The following NINJ2 variants were observed in gnomAD, a reference collection of about 807,000 sequenced individuals.
The protein encoded by NINJ2 is ninjurin 2, also known as ninjurin-2.
Under a neutral mutation model 11.7 loss-of-function variants are expected in NINJ2, and 12 were observed. That is an observed-to-expected ratio of 1.02 (90% CI 0.66 to 1.66). The LOEUF is 1.66. NINJ2 is among the 40% of genes most tolerant of loss of function. The pLI is 0.00. For missense variants in NINJ2, 187 were observed against 181.8 expected, an observed-to-expected ratio of 1.03 and a Z score of -0.16; for synonymous variants, 93 against 76.8, an observed-to-expected ratio of 1.21 and a Z score of -1.10.
intron 1 of NINJ2, among the ~76,000 whole-genome samples, chr12:577,404 C>G (rs1212776524): frequency 3.0e-5 from 2 of 67,280 alleles, no homozygotes; most frequent in African/African-American, 9.7e-5. Context: ...AGTTGAGAAG[C>G]AACACTAGTC....
intron 1 of NINJ2, among the ~76,000 whole-genome samples, chr12:570,474 G>A (rs1947361271): frequency 1.3e-5 from 2 of 152,222 alleles, no homozygotes; most frequent in African/African-American, 4.8e-5. Context: ...CAACTCCACA[G>A]GGGTCAGGGT....
intron 1 of NINJ2, among the ~76,000 whole-genome samples, chr12:575,896 C>G (rs558192249): frequency 2.0e-5 from 3 of 152,256 alleles, no homozygotes; most frequent in African/African-American, 7.2e-5. Context: ...CTTTTCTCAG[C>G]AGTCCTGAGG....
chr12:567,295 C>G (rs1185983202), intron 1 of NINJ2, among the ~76,000 whole-genome samples: 1 of 142,574 alleles, frequency 7.0e-6, no homozygotes, highest in Non-Finnish European at 1.5e-5. Context: ...AGCAGATCAC[C>G]ACGACAGGAC....
Position 663,399 on chromosome 12 carries a change from G to A in NINJ2, c.-39C>T, listed in dbSNP as rs748516563. The stretch of plus-strand genomic sequence containing the variant: ...AGTCCCTTCACACGCACCGGGTGCC[G>A]GGAACAGACTGCGTGGGCTCCTCCA... On this transcript the variant is annotated 5_prime_UTR_variant, in exon 1 of 4. Transcript: ENST00000305108. The A allele has an allele frequency of 6.8e-6, 11 of 1,613,986 alleles. No homozygotes were observed. Among genetic ancestry groups the A allele is most frequent in the East Asian group, 2.2e-5 (1 of 44,894 alleles).
intron 1 of NINJ2, among the ~76,000 whole-genome samples, chr12:618,246 T>G (rs1345042486): frequency 3.8e-4 from 30 of 79,568 alleles, no homozygotes; most frequent in South Asian, 4.8e-4. Flanking sequence ...AATGAGGAGG[T>G]GGGGGTGAGG....
At chr12:609,294 A>G (rs61916662) in intron 1 of NINJ2, among the ~76,000 whole-genome samples, 4,569 of 56,334 alleles carry the variant, frequency 0.081, 373 homozygotes, top group Non-Finnish European at 0.1. Context: ...TGCTGAACGC[A>G]CACGCACGGC....
chr12:601,548 C>CA lies in NINJ2; in HGVS notation c.34-35371dup, dbSNP rs1170244744. Among the ~76,000 whole-genome samples, 840 of 140,186 alleles carry CA rather than the reference C, an allele frequency of 6.0e-3. 9 individuals are homozygous for CA. The highest frequency in any genetic ancestry group is 0.021 in the African/African-American group (799 of 37,738). The allele number at this position is 140,186 out of a possible 152,430, so 92.0% of individuals were successfully genotyped here. On this transcript the variant is annotated intron_variant, in intron 1 of 3. Transcript: ENST00000305108. The stretch of plus-strand genomic sequence containing the variant: ...GGGCCACAGAAGCAAGACTCCGTCT[C>CA]AAAAAAAAAAAAAAATAAATAAATA...
chr12:614,124 A>G lies in NINJ2; in HGVS notation c.34-47946T>C, dbSNP rs7306791. 0.78 allele frequency among the ~76,000 whole-genome samples: 118,842 copies of G among 151,800 alleles called. 46,830 individuals are homozygous for G. The highest frequency in any genetic ancestry group is 0.99 in the East Asian group (5,076 of 5,144). On this transcript the variant is annotated intron_variant, in intron 1 of 3. Transcript: ENST00000305108. This position sits in a 1 kb window ranked among gnomAD's most constrained non-coding sequence, Gnocchi z 5.1. ...TCCATAGCACGTGGCTAGTAAGAAC[A>G]GTCTCTTACACGATGTCCTACTGCC... is the stretch of plus-strand genomic sequence containing the variant.
chr12:657,716 A>G (rs1937892192), intron 1 of NINJ2, among the ~76,000 whole-genome samples: 1 of 152,236 alleles, frequency 6.6e-6, no homozygotes, highest in African/African-American at 2.4e-5. Context: ...TTATGTCACT[A>G]GGGAAATGCA....
chr12:638,421 G>GTT (rs1948377834), intron 1 of NINJ2, among the ~76,000 whole-genome samples: 1 of 151,892 alleles, frequency 6.6e-6, no homozygotes, highest in South Asian at 2.1e-4. Flanking sequence ...TTAGTTTTTT[G>GTT]TTTGTTTGTT....
chr12:636,102 C>G lies in NINJ2; in HGVS notation c.33+27226G>C, dbSNP rs553204544. ...AAAATAAATAAATAAATAGGCCAGG[C>G]GTGGTGGCTTACGCCTGTAATCCTA... On this transcript the variant is annotated intron_variant, in intron 1 of 3. Coordinates refer to ENST00000305108, the MANE Select transcript of NINJ2 (RefSeq NM_016533.6). Among the ~76,000 whole-genome samples, 32 of 151,854 alleles carry G rather than the reference C, an allele frequency of 2.1e-4. No homozygotes were observed. In the South Asian group the frequency reaches 4.2e-3, roughly 20 times the overall value.
intron 1 of NINJ2, among the ~76,000 whole-genome samples, chr12:610,981 T>C (rs1363363981): frequency 6.6e-6 from 1 of 152,178 alleles, no homozygotes; most frequent in East Asian, 1.9e-4. Context: ...GTGATCCACT[T>C]GCCTCAACCT....
intron 1 of NINJ2, among the ~76,000 whole-genome samples, chr12:578,819 C>T (rs1047518194): frequency 2.0e-5 from 3 of 152,186 alleles, no homozygotes; most frequent in Non-Finnish European, 4.4e-5. Context: ...TTTGAACCAG[C>T]AGCCAGAGGC....
chr12:577,435 A>ATATG (rs1565621287), intron 1 of NINJ2, among the ~76,000 whole-genome samples: 9 of 140,364 alleles, frequency 6.4e-5, no homozygotes, highest in Non-Finnish European at 1.2e-4. Flanking sequence ...ATATACATAT[A>ATATG]TATATATAAA....
intron 1 of NINJ2, among the ~76,000 whole-genome samples, chr12:589,029 T>G (rs527810198): frequency 1.6e-4 from 25 of 152,302 alleles, no homozygotes; most frequent in African/African-American, 6.0e-4. Context: ...AGTCCACTTC[T>G]AGGAGTCTCC....
At chr12:634,450 G>A (rs1014006320) in intron 1 of NINJ2, among the ~76,000 whole-genome samples, 5 of 151,730 alleles carry the variant, frequency 3.3e-5, no homozygotes, top group Admixed American at 2.0e-4. Context: ...TAGTAGAGAC[G>A]GAATTTCACC....
intron 1 of NINJ2, among the ~76,000 whole-genome samples, chr12:646,441 C>T (rs1937684826): frequency 6.6e-6 from 1 of 152,198 alleles, no homozygotes; most frequent in African/African-American, 2.4e-5. Flanking sequence ...CGGGTTAGGT[C>T]ATGGGCTTTG....
intron 1 of NINJ2, among the ~76,000 whole-genome samples, chr12:621,881 C>A (rs1378287725): frequency 6.6e-6 from 1 of 151,592 alleles, no homozygotes; most frequent in East Asian, 1.9e-4. Flanking sequence ...CACCTGTAAT[C>A]CCAGCACTTT....
chr12:599,696 T>G (rs1330580306), intron 1 of NINJ2, among the ~76,000 whole-genome samples: 1 of 152,218 alleles, frequency 6.6e-6, no homozygotes, highest in Non-Finnish European at 1.5e-5. Context: ...GTTGGGAGAT[T>G]AGGACCACTC....
Sources: allele counts gnomAD v4.1 joint callset (sites outside exome capture counted in the v4.1 genomes callset), GRCh38; gene constraint gnomAD v4.1.1; non-coding constraint Gnocchi (gnomAD v3.1); transcripts MANE v1.5; gene names NCBI Gene and HGNC (gene_info 2026-07-23, HGNC 2026-07-21).